The following TNRC6B variants were observed in gnomAD, a reference collection of about 807,000 sequenced individuals.
The protein encoded by TNRC6B is trinucleotide repeat-containing gene 6B protein.
TNRC6B carries 52 observed loss-of-function variants against 203.6 expected under a neutral mutation model. The ratio of observed to expected loss-of-function variants is 0.26; its 90% CI spans 0.20 to 0.32. The LOEUF is 0.32. Ranked by LOEUF, TNRC6B falls within the 10% of genes least tolerant of loss-of-function variation. TNRC6B has a pLI of 1.00. For synonymous variants in TNRC6B, 838 were observed against 845.7 expected, an observed-to-expected ratio of 0.99 and a Z score of 0.16; for missense variants, 1,923 against 2,286.2, an observed-to-expected ratio of 0.84 and a Z score of 3.24.
chr22:40,183,207 T>C (rs1197241286), intron 1 of TNRC6B, among the ~76,000 whole-genome samples: 1 of 152,162 alleles, frequency 6.6e-6, no homozygotes, highest in Admixed American at 6.5e-5. Flanking sequence ...AAGGAAATGC[T>C]ATATGTGAGG....
chr22:40,184,821 C>T (rs1175658228), intron 1 of TNRC6B, among the ~76,000 whole-genome samples: 2 of 151,954 alleles, frequency 1.3e-5, no homozygotes, highest in East Asian at 3.9e-4. Context: ...GGGAATGGTG[C>T]CACCATTCGT....
intron 4 of TNRC6B, among the ~76,000 whole-genome samples, chr22:40,172,626 A>T (rs1228980669): frequency 6.6e-6 from 1 of 152,208 alleles, no homozygotes; most frequent in African/African-American, 2.4e-5. Flanking sequence ...ACATTAGTTT[A>T]GTTTTATTTT....
At chr22:40,049,415 CT>C (rs1355451886) in intron 1 of TNRC6B, among the ~76,000 whole-genome samples, 2 of 152,100 alleles carry the variant, frequency 1.3e-5, no homozygotes, top group Non-Finnish European at 2.9e-5. Flanking sequence ...TTCCTGACTT[CT>C]ATCCCGGAGA....
chr22:40,049,192 C>T (rs941811625), intron 1 of TNRC6B, among the ~76,000 whole-genome samples: 4 of 151,972 alleles, frequency 2.6e-5, no homozygotes, highest in South Asian at 2.1e-4. Flanking sequence ...CCAGCCTGGC[C>T]GGTCACTGTG....
chr22:40,286,283 A>T (rs1411073116), intron 12 of TNRC6B, among the ~76,000 whole-genome samples: 3 of 152,204 alleles, frequency 2.0e-5, no homozygotes, highest in Non-Finnish European at 4.4e-5. Context: ...GTTTGAGACC[A>T]GCCTGGCCAA....
intron 15 of TNRC6B, among the ~76,000 whole-genome samples, chr22:40,304,879 C>T (rs1404399811): frequency 1.3e-5 from 2 of 152,114 alleles, no homozygotes; most frequent in Non-Finnish European, 2.9e-5. Context: ...ATGATTGTGT[C>T]GATACCAAGT....
intron 3 of TNRC6B, among the ~76,000 whole-genome samples, chr22:40,147,130 A>G (rs1484236212): frequency 1.3e-5 from 2 of 152,228 alleles, no homozygotes; most frequent in East Asian, 3.8e-4. Context: ...AGGGAAGGAA[A>G]CTCTGACACA....
intron 1 of TNRC6B, among the ~76,000 whole-genome samples, chr22:40,072,617 A>G (rs2067961039): frequency 6.6e-6 from 1 of 152,136 alleles, no homozygotes; most frequent in African/African-American, 2.4e-5. Context: ...TAATCCCAGC[A>G]CTTTGGGAAG....
At chr22:40,311,789 C>T (rs1601514495) in intron 17 of TNRC6B, among the ~76,000 whole-genome samples, 1 of 152,142 alleles carries the variant, frequency 6.6e-6, no homozygotes, top group Non-Finnish European at 1.5e-5. Flanking sequence ...GTGATCTGCC[C>T]GCCTCGGCCT....
At chr22:40,087,798 G>A (rs1358514886) in intron 1 of TNRC6B, among the ~76,000 whole-genome samples, 1 of 152,116 alleles carries the variant, frequency 6.6e-6, no homozygotes. Flanking sequence ...AGGGAGGCAG[G>A]GAATTAGGAG....
Position 40,280,136 on chromosome 22 carries a change from T to G in TNRC6B, c.3404T>G (p.Phe1135Cys). 6.2e-7 allele frequency: 1 copy of G among 1,612,682 alleles called. No individual in the cohort carries two copies. The highest frequency in any genetic ancestry group is 1.1e-5 in the South Asian group (1 of 90,936). ...DMGTTDSGPY[F>C]EKLTLPFSNQ... Reference sequence around the variant, plus strand: ...GGAACCACAGATAGTGGGCCTTATTTTGAGAAGGTGAGTTGAATCCTTTGT... The same window carrying G: ...GGAACCACAGATAGTGGGCCTTATTGTGAGAAGGTGAGTTGAATCCTTTGT... Residue 1135 changes from phenylalanine to cysteine, a missense_variant, in exon 10 of 23, where the codon TTT (phenylalanine) becomes TGT (cysteine). By Grantham distance (205) the Phe-to-Cys change is radical (BLOSUM62 -2). This residue lies in a region of TNRC6B where 599 missense variants were observed against 656.5 expected (regional missense o/e 0.91). Coordinates refer to ENST00000454349, the MANE Select transcript of TNRC6B (RefSeq NM_001162501.2).
At chr22:40,154,350 GC>G (rs2068790714) in intron 3 of TNRC6B, among the ~76,000 whole-genome samples, 1 of 151,992 alleles carries the variant, frequency 6.6e-6, no homozygotes, top group Middle Eastern at 3.4e-3. Flanking sequence ...TGTAATCCCA[GC>G]TACTCGGGAG....
At chr22:40,221,443 A>T (rs917073232) in intron 1 of TNRC6B, among the ~76,000 whole-genome samples, 35 of 151,892 alleles carry the variant, frequency 2.3e-4, no homozygotes, top group African/African-American at 8.5e-4. Flanking sequence ...TTTTCTGTTT[A>T]TTTTTTATCT....
chr22:40,109,313 T>C (rs1484383008), intron 1 of TNRC6B, among the ~76,000 whole-genome samples: 1 of 152,212 alleles, frequency 6.6e-6, no homozygotes, highest in Non-Finnish European at 1.5e-5. Context: ...ATGGGATTGC[T>C]GGGTCAAATG....
chr22:40,222,732 T>G (rs543827495), intron 1 of TNRC6B, among the ~76,000 whole-genome samples: 1 of 49,254 alleles, frequency 2.0e-5, no homozygotes. Flanking sequence ...CTCTCTCTTT[T>G]TTTTTTTTTT....
At chr22:40,299,971 A>G (rs1402201722) in intron 12 of TNRC6B, among the ~76,000 whole-genome samples, 1 of 151,866 alleles carries the variant, frequency 6.6e-6, no homozygotes, top group Non-Finnish European at 1.5e-5. Flanking sequence ...TTACACTGCC[A>G]CTCTGTGGGT....
intron 1 of TNRC6B, among the ~76,000 whole-genome samples, chr22:40,240,610 C>A (rs1487090197): frequency 1.3e-5 from 2 of 152,074 alleles, no homozygotes; most frequent in African/African-American, 4.8e-5. Flanking sequence ...GCTTTGGAAG[C>A]CATAGTAGAG....
chr22:40,230,282 CTTTTTTTTTTTT>C (rs56122256), intron 1 of TNRC6B, among the ~76,000 whole-genome samples: 3 of 94,498 alleles, frequency 3.2e-5, no homozygotes, highest in African/African-American at 1.2e-4. Context: ...TGCCCATCTT[CTTTTTTTTTTTT>C]TTTTTTTTTT....
At chr22:40,279,452 A>G (rs2146520675) in intron 9 of TNRC6B, among the ~76,000 whole-genome samples, 1 of 152,332 alleles carries the variant, frequency 6.6e-6, no homozygotes, top group South Asian at 2.1e-4. Context: ...CACCTGGGAA[A>G]TTGCACCGTG....
Sources: gnomAD v4.1 joint callset for allele counts (sites outside exome capture counted in the v4.1 genomes callset) on GRCh38, gnomAD v4.1.1 for gene constraint, gnomAD v4.1.1 regional missense constraint, MANE v1.5 for transcripts, NCBI Gene and HGNC (gene_info 2026-07-23, HGNC 2026-07-21) for gene names.